Variants in LIMCH1 observed in about 807,000 individuals in gnomAD.
The protein encoded by LIMCH1 is LIM and calponin homology domains 1.
In LIMCH1, 113 loss-of-function variants were observed where a neutral mutation model predicts 176.5. That is an observed-to-expected ratio of 0.64 (90% confidence interval 0.55 to 0.75). The LOEUF (loss-of-function observed/expected upper bound fraction) is 0.75. Among genes scored for constraint, LIMCH1 ranks in the 30% least tolerant of loss-of-function variants. LIMCH1 has a pLI of 0.00. For synonymous variants in LIMCH1, 619 were observed against 645.9 expected, an observed-to-expected ratio of 0.96 and a Z score of 0.63; for missense variants, 1,674 against 1,814.9, an observed-to-expected ratio of 0.92 and a Z score of 1.41.
In LIMCH1 at chr4:41,509,518, C is replaced by T. The variant is rs545374036; in HGVS notation, c.168-14891C>T. 6.6e-5 allele frequency among the ~76,000 whole-genome samples: 10 copies of T among 152,326 alleles called. No individual in the cohort carries two copies. In the South Asian group the frequency reaches 1.2e-3, roughly 19 times the overall value. On this transcript the variant is annotated intron_variant, in intron 2 of 26. Transcript: ENST00000313860. ...CCTTCTGCCAAATCACAATTGGCCA[C>T]GCTGACTTGGCCTGTCTCCAGCTGT... is the stretch of plus-strand genomic sequence containing the variant.
At chr4:41,620,070 C>A in intron 6 of LIMCH1, 1 of 219,464 alleles carries the variant, frequency 4.6e-6, no homozygotes, top group Middle Eastern at 1.8e-3. Flanking sequence ...CTTCAAGAAT[C>A]TTACAATAAA....
intron 2 of LIMCH1, among the ~76,000 whole-genome samples, chr4:41,497,379 T>C (rs2072377342): frequency 6.6e-6 from 1 of 152,134 alleles, no homozygotes; most frequent in South Asian, 2.1e-4. Flanking sequence ...TCCTGGGGTC[T>C]GGTTTCCCCT....
intron 1 of LIMCH1, among the ~76,000 whole-genome samples, chr4:41,487,066 G>T (rs1260928203): frequency 6.6e-6 from 1 of 151,440 alleles, no homozygotes; most frequent in African/African-American, 2.4e-5. Context: ...TCACCATGTT[G>T]GCCAGGCTGG....
intron 1 of LIMCH1, among the ~76,000 whole-genome samples, chr4:41,471,117 A>G (rs936379316): frequency 1.3e-5 from 2 of 151,446 alleles, no homozygotes; most frequent in Admixed American, 6.6e-5. Context: ...TAAAATAGTC[A>G]TGTGAAAAAT....
At chr4:41,580,041 A>G (rs867203296) in intron 1 of LIMCH1, among the ~76,000 whole-genome samples, 11 of 152,184 alleles carry the variant, frequency 7.2e-5, no homozygotes, top group Admixed American at 6.5e-5. Context: ...GGCAGGTACA[A>G]TTTACATTTG....
At chr4:41,451,309 A>C (rs2063847362) in intron 1 of LIMCH1, among the ~76,000 whole-genome samples, 1 of 148,924 alleles carries the variant, frequency 6.7e-6, no homozygotes, top group South Asian at 2.1e-4. Context: ...TATTTTTGGT[A>C]GAGACAGGTT....
In LIMCH1 at chr4:41,419,681, CTCCTTCCTTCCTTCCT is replaced by C. The variant is rs765992303; in HGVS notation, c.96+58770_96+58785del. ...CCTTCCTTCCTTCCTTCCTTCCTTC[CTCCTTCCTTCCTTCCT>C]TCCTTCCTTCCTTCCTTCCTTCCTC... On this transcript the variant is annotated intron_variant, in intron 1 of 26. Coordinates refer to the LIMCH1 transcript ENST00000313860. 1.2e-4 allele frequency among the ~76,000 whole-genome samples: 7 copies of C among 56,334 alleles called. No homozygotes were observed. In the South Asian group the frequency reaches 4.1e-3, roughly 33 times the overall value. 37.0% of individuals were successfully genotyped at this position (56,334 alleles called of 152,430 possible).
intron 13 of LIMCH1, 50 bp from the exon 14 acceptor site, chr4:41,638,882 T>TG: frequency 6.7e-7 from 1 of 1,486,186 alleles, no homozygotes; most frequent in East Asian, 2.3e-5. Context: ...TTGCTTACAG[T>TG]GTTCACTTTC....
At chr4:41,584,415 T>C (rs1156954351) in intron 1 of LIMCH1, among the ~76,000 whole-genome samples, 2 of 152,194 alleles carry the variant, frequency 1.3e-5, no homozygotes, top group Non-Finnish European at 2.9e-5. Flanking sequence ...CAGTAGTTCA[T>C]CTGGCTCAGC....
intron 1 of LIMCH1, among the ~76,000 whole-genome samples, chr4:41,591,884 A>G (rs1216397478): frequency 6.6e-6 from 1 of 152,226 alleles, no homozygotes; most frequent in African/African-American, 2.4e-5. Flanking sequence ...TTCCACAGAG[A>G]ACTACCAAAT....
chr4:41,635,623 G>A (rs2093548388), intron 13 of LIMCH1, among the ~76,000 whole-genome samples: 1 of 152,188 alleles, frequency 6.6e-6, no homozygotes, highest in South Asian at 2.1e-4. Flanking sequence ...GGTGAACTAT[G>A]TGACATATTG....
chr4:41,688,412 T>C lies in LIMCH1; in HGVS notation c.4166+495T>C, dbSNP rs569954674. On this transcript the variant is annotated intron_variant, in intron 29 of 31. Coordinates refer to ENST00000503057, the MANE Select transcript of LIMCH1 (RefSeq NM_001330672.2). ...AAAAGCCGCCTGAATTCCCGTTCCCTGGAGAGACAAATTACTGAGTGCTCA... is the reference window on the plus strand; with the variant it reads ...AAAAGCCGCCTGAATTCCCGTTCCCCGGAGAGACAAATTACTGAGTGCTCA... Among the ~76,000 whole-genome samples the C allele has an allele frequency of 9.8e-5, 15 of 152,346 alleles. 1 individual carries two copies. The South Asian group carries it at 3.1e-3, about 32-fold the overall frequency.
chr4:41,449,314 G>A (rs773004857), intron 1 of LIMCH1, among the ~76,000 whole-genome samples: 24 of 152,094 alleles, frequency 1.6e-4, no homozygotes, highest in Non-Finnish European at 3.1e-4. Flanking sequence ...TCTTTCTGGC[G>A]AACTTGGTCT....
At chr4:41,611,511 G>A (rs1158697823) in intron 4 of LIMCH1, among the ~76,000 whole-genome samples, 1 of 152,318 alleles carries the variant, frequency 6.6e-6, no homozygotes, top group South Asian at 2.1e-4. Context: ...AACTGTAACT[G>A]TACCAAAGAT....
chr4:41,510,344 A>G (rs1009632816), intron 2 of LIMCH1, among the ~76,000 whole-genome samples: 2 of 152,218 alleles, frequency 1.3e-5, no homozygotes, highest in African/African-American at 4.8e-5. Flanking sequence ...GGCCTAGCCC[A>G]TTGCCTGCCT....
intron 3 of LIMCH1, 151 bp from the exon 4 acceptor site, chr4:41,605,743 T>A: frequency 7.3e-6 from 3 of 409,164 alleles, no homozygotes; most frequent in Non-Finnish European, 1.4e-5. Flanking sequence ...TGATTTTACA[T>A]TTAATGGATA....
intron 1 of LIMCH1, among the ~76,000 whole-genome samples, chr4:41,399,685 CTTT>C (rs56174007): frequency 3.1e-5 from 3 of 95,786 alleles, no homozygotes; most frequent in African/African-American, 4.4e-5. Flanking sequence ...GGTGGATACT[CTTT>C]TTTTTTTTTT....
intron 3 of LIMCH1, among the ~76,000 whole-genome samples, chr4:41,526,029 A>T (rs1296951968): frequency 1.3e-5 from 2 of 152,172 alleles, no homozygotes; most frequent in African/African-American, 2.4e-5. Context: ...GAAATCATAA[A>T]TAATTTTAGT....
At chr4:41,453,244 C>T (rs746649410) in intron 1 of LIMCH1, among the ~76,000 whole-genome samples, 48 of 152,136 alleles carry the variant, frequency 3.2e-4, no homozygotes, top group Non-Finnish European at 6.2e-4. Flanking sequence ...GATACACACA[C>T]ACATATACAG....
Sources: gnomAD v4.1 joint callset for allele counts (sites outside exome capture counted in the v4.1 genomes callset) on GRCh38, gnomAD v4.1.1 for gene constraint, MANE v1.5 for transcripts, NCBI Gene and HGNC (gene_info 2026-07-23, HGNC 2026-07-21) for gene names.